Variants in DAB1 observed in about 807,000 individuals in gnomAD.
DAB1 encodes DAB adaptor protein 1.
A neutral mutation model predicts 64.6 loss-of-function variants in DAB1; 15 were observed. That is an observed-to-expected ratio of 0.23 (90% CI 0.16 to 0.36). The LOEUF (loss-of-function observed/expected upper bound fraction) is 0.36. Ranked by LOEUF, DAB1 falls within the 10% of genes least tolerant of loss-of-function variation. The probability of loss-of-function intolerance (pLI) is 1.00; values close to 1 mark genes in which losing one functional copy is unlikely to be tolerated. For synonymous variants in DAB1, 235 were observed against 251.9 expected, an observed-to-expected ratio of 0.93 and a Z score of 0.64; for missense variants, 596 against 706.7, an observed-to-expected ratio of 0.84 and a Z score of 1.78.
intron 7 of DAB1, among the ~76,000 whole-genome samples, chr1:57,463,232 A>G (rs979532917): frequency 1.3e-5 from 2 of 152,220 alleles, no homozygotes; most frequent in Non-Finnish European, 2.9e-5. Context: ...CATGTGGAAC[A>G]GGATTAATGA....
At chr1:57,774,100 T>C (rs1010221222) in intron 6 of DAB1, among the ~76,000 whole-genome samples, 1 of 151,888 alleles carries the variant, frequency 6.6e-6, no homozygotes, top group African/African-American at 2.4e-5. Context: ...AAAATGGACA[T>C]CATAAAAATA....
chr1:57,467,162 T>C (rs1371501600), intron 7 of DAB1, among the ~76,000 whole-genome samples: 1 of 152,200 alleles, frequency 6.6e-6, no homozygotes. Context: ...TCTCTGTCTC[T>C]ACCCTAGGCC....
chr1:58,336,260 G>T (rs191476331), intron 4 of DAB1, among the ~76,000 whole-genome samples: 17 of 152,278 alleles, frequency 1.1e-4, no homozygotes, highest in African/African-American at 4.1e-4. Flanking sequence ...GTCTAGGCTT[G>T]CATCTTGTTA....
intron 7 of DAB1, among the ~76,000 whole-genome samples, chr1:57,582,095 A>G (rs1645320006): frequency 1.3e-5 from 2 of 152,164 alleles, no homozygotes; most frequent in South Asian, 4.1e-4. Context: ...TAATCTTACC[A>G]TGGGACTCTA....
chr1:57,123,483 T>G (rs1186300976), intron 4 of DAB1, among the ~76,000 whole-genome samples: 1 of 152,054 alleles, frequency 6.6e-6, no homozygotes, highest in African/African-American at 2.4e-5. Context: ...TGCTGGCAAA[T>G]ATGTGGTAAA....
intron 3 of DAB1, among the ~76,000 whole-genome samples, chr1:58,492,063 T>C (rs1390105472): frequency 6.6e-6 from 1 of 152,082 alleles, no homozygotes; most frequent in Non-Finnish European, 1.5e-5. Context: ...TAACAAACTG[T>C]CTCTCAGACC....
rs140198908 is a variant in DAB1 at position 57,172,655 on chromosome 1, G to A, written c.68-27226C>T. ...CCAGCGTGTTCAGAGATCACATGAT[G>A]AGAAAGAAAGGAAGCGATCAGGATT... On this transcript the variant is annotated intron_variant, in intron 2 of 14. Transcript: ENST00000371236. Among the ~76,000 whole-genome samples, 274 of 152,248 alleles carry A rather than the reference G, an allele frequency of 1.8e-3. 3 individuals carry two copies. Among genetic ancestry groups the A allele is most frequent in the African/African-American group, 6.3e-3 (260 of 41,548 alleles).
rs959734565 is a variant in DAB1 at position 57,882,172 on chromosome 1, T to C, written n.87+1827A>G. On this transcript the variant is annotated intron_variant and non_coding_transcript_variant, in intron 1 of 1. Transcript: ENST00000477280. ...AGAGAGTTGGAAGTCAGTGTGGGGG[T>C]GGGGTGAGGGGAAACAGTGCTTTAA... is the stretch of plus-strand genomic sequence containing the variant. Among the ~76,000 whole-genome samples, 7 of 151,578 alleles carry C rather than the reference T, an allele frequency of 4.6e-5. 1 individual carries two copies. Among genetic ancestry groups the C allele is most frequent in the South Asian group, 2.1e-4 (1 of 4,802 alleles).
chr1:57,506,179 A>G (rs573383659), intron 7 of DAB1, among the ~76,000 whole-genome samples: 3 of 152,324 alleles, frequency 2.0e-5, no homozygotes, highest in African/African-American at 7.2e-5. Flanking sequence ...TTGGCGTTGC[A>G]TTGTTAAGAA....
At chr1:57,855,102 T>C (rs990974144) in intron 1 of DAB1, among the ~76,000 whole-genome samples, 8 of 152,134 alleles carry the variant, frequency 5.3e-5, no homozygotes, top group Non-Finnish European at 1.2e-4. Context: ...TGGATTTTGA[T>C]TGATTTCTCA....
intron 4 of DAB1, among the ~76,000 whole-genome samples, chr1:58,226,483 G>A (rs1363532426): frequency 2.0e-5 from 3 of 151,978 alleles, no homozygotes; most frequent in Non-Finnish European, 4.4e-5. Flanking sequence ...GGGTGTGTAG[G>A]AAGCCAAGTC....
chr1:57,915,849 T>A (rs12125562), intron 5 of DAB1, among the ~76,000 whole-genome samples: 2 of 152,096 alleles, frequency 1.3e-5, no homozygotes, highest in Non-Finnish European at 2.9e-5. Flanking sequence ...AAGTTCATCT[T>A]GGGAAGAGCT....
rs148816815 is a variant in DAB1, at chr1:57,162,264, G to A, written c.68-16835C>T. 5.9e-5 allele frequency among the ~76,000 whole-genome samples: 9 copies of A among 152,308 alleles called. No individual in the cohort carries two copies. The South Asian group carries it at 1.5e-3, about 25-fold the overall frequency. The stretch of plus-strand genomic sequence containing the variant: ...TACCTCTCTGGTTGTCTTGCTTTGG[G>A]AGAAGCACAGAAGGGCAAAGGAGGA... On this transcript the variant is annotated intron_variant, in intron 2 of 14. Transcript: ENST00000371236.
At chr1:58,041,512 C>T (rs1422668543) in intron 5 of DAB1, among the ~76,000 whole-genome samples, 1 of 152,192 alleles carries the variant, frequency 6.6e-6, no homozygotes, top group Non-Finnish European at 1.5e-5. Context: ...ACCTAGGATC[C>T]TCTCATTACC....
At chr1:57,149,650 T>G (rs1245361336) in intron 2 of DAB1, among the ~76,000 whole-genome samples, 1 of 152,190 alleles carries the variant, frequency 6.6e-6, no homozygotes, top group East Asian at 1.9e-4. Context: ...AAATATCTAT[T>G]CAAATCCCAG....
chr1:58,164,953 A>G (rs1166849852), intron 4 of DAB1, among the ~76,000 whole-genome samples: 1 of 152,222 alleles, frequency 6.6e-6, no homozygotes, highest in African/African-American at 2.4e-5. Context: ...AAAAAATGTT[A>G]GCAATATTTT....
At chr1:58,523,700 C>T (rs545188564) in intron 2 of DAB1, among the ~76,000 whole-genome samples, 1 of 152,092 alleles carries the variant, frequency 6.6e-6, no homozygotes, top group African/African-American at 2.4e-5. Context: ...GAGATCGAGA[C>T]CATCCTGGCT....
rs139684343 is a variant in DAB1, at chr1:57,958,321, T to A, written n.388-74159A>T. ...TCATTTTAATCTAGCTGTGATACAC[T>A]GGGTAAGTTGGTAGAAAGATCTGCA... On this transcript the variant is annotated intron_variant and non_coding_transcript_variant, in intron 5 of 20. Coordinates refer to the DAB1 transcript ENST00000485760. 2.0e-5 allele frequency among the ~76,000 whole-genome samples: 3 copies of A among 152,314 alleles called. No homozygotes were observed. In the East Asian group the frequency reaches 5.8e-4, roughly 29 times the overall value.
At chr1:57,890,618 G>A (rs570332810) in intron 5 of DAB1, among the ~76,000 whole-genome samples, 2 of 151,606 alleles carry the variant, frequency 1.3e-5, no homozygotes, top group South Asian at 2.1e-4. Context: ...ACTATGCCTG[G>A]GTAATTTTCA....
Sources: gnomAD v4.1 joint callset for allele counts (sites outside exome capture counted in the v4.1 genomes callset) on GRCh38, gnomAD v4.1.1 for gene constraint, MANE v1.5 for transcripts, NCBI Gene and HGNC (gene_info 2026-07-23, HGNC 2026-07-21) for gene names.